Variants in PPP2R3A observed in about 807,000 individuals in gnomAD.
PPP2R3A encodes serine/threonine-protein phosphatase 2A regulatory subunit B'' subunit alpha.
In PPP2R3A, 80 loss-of-function variants were observed where a neutral mutation model predicts 106.9. The ratio of observed to expected loss-of-function variants is 0.75; its 90% CI spans 0.62 to 0.90. The LOEUF (loss-of-function observed/expected upper bound fraction) is 0.90. Ranked by LOEUF, PPP2R3A falls within the 40% of genes least tolerant of loss-of-function variation. The pLI is 0.00. For synonymous variants in PPP2R3A, 483 were observed against 468.3 expected (o/e 1.03, Z -0.41); for missense variants, 1,386 against 1,350.4 (o/e 1.03, Z -0.41).
At chr3:136,008,006 A>G (rs1028671859) in intron 2 of PPP2R3A, among the ~76,000 whole-genome samples, 3 of 152,098 alleles carry the variant, frequency 2.0e-5, no homozygotes, top group African/African-American at 4.8e-5. Context: ...GAAATAAAGA[A>G]CCTTCCTATG....
chr3:136,100,412 C>T (rs909080017), intron 10 of PPP2R3A, among the ~76,000 whole-genome samples: 20 of 151,806 alleles, frequency 1.3e-4, no homozygotes, highest in South Asian at 2.1e-4. Flanking sequence ...CCGTGGCTCA[C>T]GCCTGTAATC....
chr3:136,083,985 G>T (rs1043078175), intron 8 of PPP2R3A, among the ~76,000 whole-genome samples: 1 of 152,186 alleles, frequency 6.6e-6, no homozygotes, highest in African/African-American at 2.4e-5. Flanking sequence ...TGGAAAATTT[G>T]CTGCCTGATA....
chr3:136,119,704 A>T (rs1937917609), intron 13 of PPP2R3A, among the ~76,000 whole-genome samples: 1 of 152,178 alleles, frequency 6.6e-6, no homozygotes, highest in South Asian at 2.1e-4. Context: ...AAAAGTCAGG[A>T]AACAACAGAT....
intron 1 of PPP2R3A, among the ~76,000 whole-genome samples, chr3:135,993,586 ATTAGTCATAATAGC>A (rs1559856409): frequency 6.6e-6 from 1 of 152,230 alleles, no homozygotes; most frequent in Non-Finnish European, 1.5e-5. Context: ...CTTTTACTTG[ATTAGTCATAATAGC>A]TTTAAATCAT....
At chr3:136,054,198 C>A in intron 5 of PPP2R3A, among the ~76,000 whole-genome samples, 1 of 151,672 alleles carries the variant, frequency 6.6e-6, no homozygotes, top group Non-Finnish European at 1.5e-5. Flanking sequence ...TACACATACA[C>A]CTATAAGCAC....
chr3:135,971,647 A>G (rs1937250591), intron 1 of PPP2R3A, among the ~76,000 whole-genome samples: 1 of 152,238 alleles, frequency 6.6e-6, no homozygotes, highest in African/African-American at 2.4e-5. Context: ...TTTATCAGTT[A>G]GGTGGATGAT....
At chr3:136,068,567 A>G (rs1174059148) in intron 5 of PPP2R3A, among the ~76,000 whole-genome samples, 1 of 152,194 alleles carries the variant, frequency 6.6e-6, no homozygotes, top group African/African-American at 2.4e-5. Flanking sequence ...GCTCTTCCTT[A>G]TAGAAGATTT....
At chr3:136,042,014 TG>T (rs1402081403) in intron 4 of PPP2R3A, among the ~76,000 whole-genome samples, 4 of 152,218 alleles carry the variant, frequency 2.6e-5, no homozygotes, top group Admixed American at 1.3e-4. Flanking sequence ...ATATCCTTCC[TG>T]GTAAACTATT....
intron 8 of PPP2R3A, among the ~76,000 whole-genome samples, chr3:136,082,984 G>A (rs892366619): frequency 7.9e-5 from 12 of 152,178 alleles, no homozygotes; most frequent in African/African-American, 2.4e-4. Flanking sequence ...TTTTGCCAGC[G>A]GTAAATCTAG....
chr3:136,136,066 A>ATT (rs1938604598), intron 13 of PPP2R3A, among the ~76,000 whole-genome samples: 1 of 34,226 alleles, frequency 2.9e-5, no homozygotes, highest in Admixed American at 4.7e-4. Context: ...AAAAAAAAAA[A>ATT]AAAAAAATTA....
intron 5 of PPP2R3A, among the ~76,000 whole-genome samples, chr3:136,063,601 A>G (rs190839092): frequency 3.1e-3 from 479 of 152,280 alleles, no homozygotes; most frequent in East Asian, 6.9e-3. Context: ...CAAAAAGTGG[A>G]CGAAGGATAT....
At chr3:136,050,418 C>T (rs1935645421) in intron 5 of PPP2R3A, among the ~76,000 whole-genome samples, 1 of 152,188 alleles carries the variant, frequency 6.6e-6, no homozygotes, top group African/African-American at 2.4e-5. Flanking sequence ...TGAGGTTTCT[C>T]AGCCTGGAGC....
chr3:136,092,609 TC>T (rs1291841018), intron 10 of PPP2R3A, among the ~76,000 whole-genome samples: 3 of 152,152 alleles, frequency 2.0e-5, no homozygotes, highest in African/African-American at 7.2e-5. Context: ...ATTTCCCTAT[TC>T]CAAAATATTT....
chr3:136,127,188 C>A (rs1938214594), intron 13 of PPP2R3A, among the ~76,000 whole-genome samples: 5 of 152,208 alleles, frequency 3.3e-5, no homozygotes, highest in Admixed American at 3.3e-4. Context: ...CAGAAGTAGG[C>A]TTCAGAAGTT....
At chr3:136,077,525 C>T (rs1157469561) in intron 6 of PPP2R3A, among the ~76,000 whole-genome samples, 2 of 16,086 alleles carry the variant, frequency 1.2e-4, no homozygotes, top group Non-Finnish European at 2.2e-4. Flanking sequence ...AAAAATAAAG[C>T]TGCTCAAATT....
Position 136,140,452 on chromosome 3 carries a change from A to AC in PPP2R3A, c.3330-4591_3330-4590insC, listed in dbSNP as rs1559943211. Among the ~76,000 whole-genome samples, 273 of 149,962 alleles carry AC rather than the reference A, an allele frequency of 1.8e-3. 2 individuals carry two copies. Among genetic ancestry groups the AC allele is most frequent in the African/African-American group, 6.4e-3 (260 of 40,608 alleles). On this transcript the variant is annotated intron_variant, in intron 13 of 13. Coordinates refer to ENST00000264977, the MANE Select transcript of PPP2R3A (RefSeq NM_002718.5). ...CAGAGTGAGACTCTTTAAAAAAAAA[A>AC]AAAAAAAAAAAACCCGGGCTCAGTG...
At chr3:136,061,033 GAAT>G (rs1206207261) in intron 5 of PPP2R3A, among the ~76,000 whole-genome samples, 1 of 151,664 alleles carries the variant, frequency 6.6e-6, no homozygotes, top group Non-Finnish European at 1.5e-5. Context: ...ATGTAAAAAA[GAAT>G]AAAAAAACAA....
At chr3:136,073,609 T>C (rs1473282725) in intron 6 of PPP2R3A, among the ~76,000 whole-genome samples, 1 of 152,122 alleles carries the variant, frequency 6.6e-6, no homozygotes. Context: ...ATAACATAAA[T>C]AGTAAACAAG....
intron 4 of PPP2R3A, among the ~76,000 whole-genome samples, chr3:136,043,404 A>G (rs1412164340): frequency 6.6e-6 from 1 of 152,118 alleles, no homozygotes; most frequent in Non-Finnish European, 1.5e-5. Context: ...GCTTGCAGTG[A>G]GCCGAGATCG....
Sources: gnomAD v4.1 joint callset for allele counts (sites outside exome capture counted in the v4.1 genomes callset) on GRCh38, gnomAD v4.1.1 for gene constraint, MANE v1.5 for transcripts, NCBI Gene and HGNC (gene_info 2026-07-23, HGNC 2026-07-21) for gene names.